SLC4A4: variants seen among roughly 807,000 people sequenced by gnomAD.
SLC4A4 encodes the protein electrogenic sodium bicarbonate cotransporter 1.
In SLC4A4, 27 loss-of-function variants were observed where a neutral mutation model predicts 111.5. The ratio of observed to expected loss-of-function variants is 0.24; its 90% CI spans 0.18 to 0.33. The LOEUF is 0.33. Among genes scored for constraint, SLC4A4 ranks in the 10% least tolerant of loss-of-function variants. SLC4A4 has a pLI of 1.00. For synonymous variants in SLC4A4, 443 were observed against 463.4 expected, an observed-to-expected ratio of 0.96 and a Z score of 0.57; for missense variants, 909 against 1,315.5, an observed-to-expected ratio of 0.69 and a Z score of 4.78.
intron 3 of SLC4A4, among the ~76,000 whole-genome samples, chr4:71,281,005 AAGG>A (rs1262131348): frequency 1.3e-5 from 2 of 152,226 alleles, no homozygotes; most frequent in African/African-American, 4.8e-5. Flanking sequence ...AAGAAATAAA[AAGG>A]AGAGAATTAA....
intron 16 of SLC4A4, among the ~76,000 whole-genome samples, chr4:71,498,822 T>C (rs1283175064): frequency 6.6e-6 from 1 of 152,176 alleles, no homozygotes; most frequent in African/African-American, 2.4e-5. Context: ...AGCCATTCTT[T>C]GTTTAGCCCA....
intron 2 of SLC4A4, among the ~76,000 whole-genome samples, chr4:71,150,466 A>G (rs1330810589): frequency 6.6e-6 from 1 of 152,148 alleles, no homozygotes; most frequent in African/African-American, 2.4e-5. Context: ...CAGAGAGAGA[A>G]CTAAGCCAGT....
chr4:71,529,852 A>C (rs1439794535), intron 16 of SLC4A4, among the ~76,000 whole-genome samples: 2 of 152,126 alleles, frequency 1.3e-5, no homozygotes, highest in African/African-American at 4.8e-5. Context: ...GGTGGTAAAT[A>C]AGAACTAACT....
intron 1 of SLC4A4, among the ~76,000 whole-genome samples, chr4:71,089,743 A>T (rs1742320173): frequency 1.3e-5 from 2 of 151,952 alleles, no homozygotes; most frequent in Admixed American, 6.5e-5. Flanking sequence ...TTGCTGCCTG[A>T]TCGTTCGTCT....
chr4:71,354,829 C>T (rs75617913), intron 5 of SLC4A4, among the ~76,000 whole-genome samples: 2,720 of 152,130 alleles, frequency 0.018, 44 homozygotes, highest in Non-Finnish European at 0.027. Context: ...AGTCTGTGGC[C>T]CTGTGTTCTC....
At chr4:71,542,437 C>T (rs1360461898) in intron 18 of SLC4A4, among the ~76,000 whole-genome samples, 1 of 152,014 alleles carries the variant, frequency 6.6e-6, no homozygotes, top group African/African-American at 2.4e-5. Flanking sequence ...TGCCTAAAAC[C>T]CTTCAGTGAC....
At chr4:71,249,053 G>C (rs1032652175) in intron 2 of SLC4A4, among the ~76,000 whole-genome samples, 1 of 152,064 alleles carries the variant, frequency 6.6e-6, no homozygotes, top group Non-Finnish European at 1.5e-5. Flanking sequence ...GCTGTGCTCA[G>C]TGAACATCAA....
chr4:71,223,644 G>C (rs890278157), intron 1 of SLC4A4, among the ~76,000 whole-genome samples: 1 of 152,120 alleles, frequency 6.6e-6, no homozygotes, highest in South Asian at 2.1e-4. Context: ...GGGCCTCCTA[G>C]ATTGAGTATC....
At chr4:71,433,004 C>T (rs551246872) in intron 7 of SLC4A4, among the ~76,000 whole-genome samples, 21 of 152,052 alleles carry the variant, frequency 1.4e-4, no homozygotes, top group South Asian at 8.3e-4. Flanking sequence ...AATGGTCTTC[C>T]GAAATTCTTA....
At chr4:71,144,630 G>C (rs4463039) in intron 2 of SLC4A4, among the ~76,000 whole-genome samples, 4 of 150,434 alleles carry the variant, frequency 2.7e-5, no homozygotes, top group Non-Finnish European at 5.9e-5. Context: ...CATTGAGCAG[G>C]GGTTTGTAGT....
chr4:71,407,417 T>C (rs919270697), intron 7 of SLC4A4, among the ~76,000 whole-genome samples: 5 of 152,212 alleles, frequency 3.3e-5, no homozygotes, highest in Non-Finnish European at 7.3e-5. Context: ...GTTTATATCT[T>C]AGCTGATTAT....
intron 3 of SLC4A4, among the ~76,000 whole-genome samples, chr4:71,279,254 C>T (rs1723311137): frequency 2.6e-5 from 4 of 152,176 alleles, no homozygotes; most frequent in Admixed American, 6.5e-5. Context: ...CCCACCAGCC[C>T]TTGGCAGCTG....
At chr4:71,239,700 A>G (rs983773547) in intron 2 of SLC4A4, among the ~76,000 whole-genome samples, 1 of 152,160 alleles carries the variant, frequency 6.6e-6, no homozygotes, top group Non-Finnish European at 1.5e-5. Context: ...TTGTCACATA[A>G]TTTTCTTCAT....
chr4:71,521,327 G>A (rs547137858), intron 16 of SLC4A4, among the ~76,000 whole-genome samples: 1 of 152,154 alleles, frequency 6.6e-6, no homozygotes, highest in Admixed American at 6.5e-5. Flanking sequence ...AACCACCTGG[G>A]ATCAAGCGAT....
In SLC4A4 at chr4:71,567,761, C is replaced by A. The variant is rs545988097; in HGVS notation, c.*37-27C>A. The A allele has an allele frequency of 4.5e-6, 5 of 1,104,830 alleles. No homozygotes were observed. The East Asian group carries it at 7.8e-5, about 17-fold the overall frequency. The allele number at this position is 1,104,830 out of a possible 1,614,324, so 68.4% of individuals were successfully genotyped here. On this transcript the variant is annotated intron_variant, in intron 25 of 25. Transcript: ENST00000264485. The stretch of plus-strand genomic sequence containing the variant: ...TGATGAAGGAAATCTGATTTACTTA[C>A]TACTTTTTTTTTTCCTTTTTCTCTA...
chr4:71,475,175 CTT>C (rs964666849), intron 14 of SLC4A4, among the ~76,000 whole-genome samples: 1 of 151,250 alleles, frequency 6.6e-6, no homozygotes, highest in African/African-American at 2.4e-5. Flanking sequence ...AAAAAAAACA[CTT>C]TGAGATATTC....
intron 23 of SLC4A4, among the ~76,000 whole-genome samples, chr4:71,562,739 G>A (rs1378177978): frequency 6.6e-6 from 1 of 151,552 alleles, no homozygotes; most frequent in Non-Finnish European, 1.5e-5. Context: ...GGGGCATTTA[G>A]CCCCTTTACA....
At chr4:71,495,874 G>T (rs181191995) in intron 15 of SLC4A4, among the ~76,000 whole-genome samples, 1 of 152,036 alleles carries the variant, frequency 6.6e-6, no homozygotes, top group Non-Finnish European at 1.5e-5. Context: ...GTTCTAAGCT[G>T]AGACACCCAG....
At chr4:71,244,659 G>A (rs903361657) in intron 2 of SLC4A4, among the ~76,000 whole-genome samples, 1 of 152,118 alleles carries the variant, frequency 6.6e-6, no homozygotes, top group Admixed American at 6.6e-5. Context: ...TGGTTGCTGT[G>A]ACTGCAGAAC....
Sources: allele counts gnomAD v4.1 joint callset (sites outside exome capture counted in the v4.1 genomes callset), GRCh38; gene constraint gnomAD v4.1.1; transcripts MANE v1.5; gene names NCBI Gene and HGNC (gene_info 2026-07-23, HGNC 2026-07-21).